PTPRN2: variants seen among roughly 807,000 people sequenced by gnomAD.
The protein encoded by PTPRN2 is receptor-type tyrosine-protein phosphatase N2.
Under a neutral mutation model 118.8 loss-of-function variants are expected in PTPRN2, and 74 were observed. That is an observed-to-expected ratio of 0.62 (90% CI 0.52 to 0.76). The LOEUF is 0.76. Ranked by LOEUF, PTPRN2 falls within the 30% of genes least tolerant of loss-of-function variation. The probability of loss-of-function intolerance (pLI) is 0.00; values close to 1 mark genes in which losing one functional copy is unlikely to be tolerated. For missense variants in PTPRN2, 1,481 were observed against 1,394.4 expected (o/e 1.06, Z -0.99); for synonymous variants, 641 against 608.0 (o/e 1.05, Z -0.80).
chr7:158,541,208 AT>A (rs1383707541), intron 1 of PTPRN2, among the ~76,000 whole-genome samples: 4 of 152,002 alleles, frequency 2.6e-5, no homozygotes, highest in African/African-American at 9.7e-5. Context: ...CATAGGGTAA[AT>A]TTTTTGCTGT....
At chr7:158,269,084 C>A (rs1171772878) in intron 3 of PTPRN2, among the ~76,000 whole-genome samples, 1 of 152,184 alleles carries the variant, frequency 6.6e-6, no homozygotes, top group Non-Finnish European at 1.5e-5. Context: ...CGGAGGAGCA[C>A]AGGAGGAGCT....
At chr7:158,209,656 C>T (rs956028019) in intron 3 of PTPRN2, among the ~76,000 whole-genome samples, 3 of 152,164 alleles carry the variant, frequency 2.0e-5, no homozygotes, top group Admixed American at 6.5e-5. Flanking sequence ...AGAAATTCAA[C>T]GAAGATATAT....
At chr7:157,788,374 C>CAAAAAAAAAAAAAAAAAAAA (rs749886375) in intron 12 of PTPRN2, among the ~76,000 whole-genome samples, 2 of 75,548 alleles carry the variant, frequency 2.6e-5, no homozygotes, top group African/African-American at 9.2e-5. Flanking sequence ...GACTCCATCT[C>CAAAAAAAAAAAAAAAAAAAA]AAAAAAAAAA....
intron 10 of PTPRN2, among the ~76,000 whole-genome samples, chr7:158,104,280 G>T (rs4909232): frequency 6.6e-6 from 1 of 152,216 alleles, no homozygotes; most frequent in African/African-American, 2.4e-5. Flanking sequence ...AGGAAGGCCA[G>T]GATGAAGACA....
chr7:158,084,988 C>CCCA (rs1585383282), intron 10 of PTPRN2, among the ~76,000 whole-genome samples: 1 of 127,194 alleles, frequency 7.9e-6, no homozygotes. Flanking sequence ...CCCATCCACA[C>CCCA]GGATGCCCAT....
intron 9 of PTPRN2, 33 bp downstream of exon 9, chr7:158,133,644 G>A: frequency 2.6e-6 from 4 of 1,528,764 alleles, no homozygotes; most frequent in South Asian, 1.3e-5. Flanking sequence ...CCCTCCCTCG[G>A]CACACAGGAG....
At chr7:157,884,983 G>A (rs1025194278) in intron 12 of PTPRN2, among the ~76,000 whole-genome samples, 3 of 152,166 alleles carry the variant, frequency 2.0e-5, no homozygotes, top group Non-Finnish European at 2.9e-5. Flanking sequence ...ATGGCTCATG[G>A]ATGCAGGAGG....
At chr7:157,575,136 C>T (rs1585051169) in intron 19 of PTPRN2, among the ~76,000 whole-genome samples, 2 of 152,126 alleles carry the variant, frequency 1.3e-5, no homozygotes, top group Non-Finnish European at 2.9e-5. Context: ...TAGCAACGTG[C>T]CCATATGCAT....
At chr7:157,778,045 CT>C (rs1803441628) in intron 12 of PTPRN2, among the ~76,000 whole-genome samples, 1 of 151,608 alleles carries the variant, frequency 6.6e-6, no homozygotes. Context: ...ACAGGAACCA[CT>C]GAAGGAATTA....
At chr7:158,533,087 G>A (rs894966134) in intron 1 of PTPRN2, among the ~76,000 whole-genome samples, 9 of 152,190 alleles carry the variant, frequency 5.9e-5, no homozygotes, top group African/African-American at 1.9e-4. Flanking sequence ...TTAATAACTC[G>A]CAAAGAATTA....
At chr7:158,277,712 A>C (rs2150989020) in intron 3 of PTPRN2, among the ~76,000 whole-genome samples, 1 of 152,280 alleles carries the variant, frequency 6.6e-6, no homozygotes, top group Middle Eastern at 3.4e-3. Flanking sequence ...GGGGAAGAGA[A>C]ACTCTGTACG....
intron 12 of PTPRN2, among the ~76,000 whole-genome samples, chr7:157,862,300 A>G (rs769239513): frequency 7.9e-4 from 121 of 152,376 alleles, no homozygotes; most frequent in Middle Eastern, 3.4e-3. Flanking sequence ...CTGCGGAGAC[A>G]GTTCAGCCTA....
intron 8 of PTPRN2, 72 bp from the exon 9 acceptor site, chr7:158,134,131 G>A: frequency 6.6e-7 from 1 of 1,509,492 alleles, no homozygotes; most frequent in Non-Finnish European, 9.0e-7. Context: ...ATCAAGGGCT[G>A]CCCGGGACAG....
At chr7:157,721,951 A>G (rs1799261460) in intron 12 of PTPRN2, among the ~76,000 whole-genome samples, 2 of 152,032 alleles carry the variant, frequency 1.3e-5, no homozygotes, top group South Asian at 2.1e-4. Context: ...ACTTCATTCA[A>G]CAGACTTTTC....
At chr7:157,828,292 G>A (rs1227395552) in intron 12 of PTPRN2, among the ~76,000 whole-genome samples, 1 of 152,174 alleles carries the variant, frequency 6.6e-6, no homozygotes. Flanking sequence ...TGTCCACCTT[G>A]CTACAGACTG....
At chr7:157,769,168 T>C (rs1332945567) in intron 12 of PTPRN2, among the ~76,000 whole-genome samples, 1 of 151,824 alleles carries the variant, frequency 6.6e-6, no homozygotes, top group African/African-American at 2.4e-5. Context: ...AGGGCAGCGG[T>C]TGAATGTCCT....
In PTPRN2 at chr7:157,783,543, C is replaced by G. The variant is rs893290915; in HGVS notation, c.1789-100606G>C. Among the ~76,000 whole-genome samples the G allele has an allele frequency of 2.0e-5, 3 of 149,358 alleles. No homozygotes were observed. The Admixed American group carries it at 2.0e-4, about 10-fold the overall frequency. ...TAGTATGAAGTCATCTTACTAAGAA[C>G]TCCACTAATTCTGAGCATGCAGGGG... On this transcript the variant is annotated intron_variant, in intron 12 of 22. Coordinates refer to ENST00000389418, the MANE Select transcript of PTPRN2 (RefSeq NM_002847.5).
At chr7:158,313,130 G>A (rs1447419449) in intron 3 of PTPRN2, among the ~76,000 whole-genome samples, 1 of 152,076 alleles carries the variant, frequency 6.6e-6, no homozygotes, top group Non-Finnish European at 1.5e-5. Context: ...ATGTGTCTGT[G>A]TCTACACGTG....
chr7:157,714,991 C>T (rs555153977), intron 12 of PTPRN2, among the ~76,000 whole-genome samples: 92 of 152,344 alleles, frequency 6.0e-4, no homozygotes, highest in African/African-American at 2.1e-3. Flanking sequence ...GCGCCCAGCC[C>T]CATGTGCTTT....
Sources: allele counts gnomAD v4.1 joint callset (sites outside exome capture counted in the v4.1 genomes callset), GRCh38; gene constraint gnomAD v4.1.1; transcripts MANE v1.5; gene names NCBI Gene and HGNC (gene_info 2026-07-23, HGNC 2026-07-21).